RGS7: variants seen among roughly 807,000 people sequenced by gnomAD.
RGS7 encodes the protein regulator of G-protein signaling 7.
A neutral mutation model predicts 81.1 loss-of-function variants in RGS7; 27 were observed. The observed-to-expected ratio is 0.33, with a 90% CI of 0.25 to 0.46. The LOEUF (loss-of-function observed/expected upper bound fraction) is 0.46, where lower values mean the gene tolerates loss of function less well. Among genes scored for constraint, RGS7 ranks in the 20% least tolerant of loss-of-function variants. The pLI, the probability that RGS7 is intolerant of heterozygous loss-of-function variation, is 1.00. For missense variants in RGS7, 396 were observed against 607.4 expected (o/e 0.65, Z 3.66); for synonymous variants, 208 against 207.7 (o/e 1.00, Z -0.01).
intron 2 of RGS7, among the ~76,000 whole-genome samples, chr1:241,137,162 C>T (rs908433575): frequency 3.9e-5 from 6 of 152,062 alleles, no homozygotes; most frequent in Non-Finnish European, 8.8e-5. Context: ...ACTCTGGGAT[C>T]TATGTTGTTC....
chr1:241,151,059 C>T (rs1324141761), intron 2 of RGS7, among the ~76,000 whole-genome samples: 1 of 152,282 alleles, frequency 6.6e-6, no homozygotes, highest in Non-Finnish European at 1.5e-5. Context: ...GGGCCCCTAG[C>T]TGTTTGCACG....
At chr1:240,887,048 G>A (rs951777552) in intron 6 of RGS7, among the ~76,000 whole-genome samples, 15 of 152,208 alleles carry the variant, frequency 9.9e-5, no homozygotes, top group Admixed American at 5.9e-4. Context: ...ACTGAGGTAA[G>A]AATTCTTGGA....
At chr1:241,219,068 C>T (rs1042083978) in intron 2 of RGS7, among the ~76,000 whole-genome samples, 4 of 152,166 alleles carry the variant, frequency 2.6e-5, no homozygotes, top group African/African-American at 7.2e-5. Flanking sequence ...ACAAGGCTCA[C>T]ATCCAGCTGG....
chr1:241,282,132 T>G (rs1454200705), intron 2 of RGS7, among the ~76,000 whole-genome samples: 1 of 152,186 alleles, frequency 6.6e-6, no homozygotes, highest in African/African-American at 2.4e-5. Context: ...TTTTCAGTCC[T>G]TGTCTCTCTC....
chr1:240,923,032 A>T (rs1360830337), intron 6 of RGS7, among the ~76,000 whole-genome samples: 1 of 152,126 alleles, frequency 6.6e-6, no homozygotes, highest in African/African-American at 2.4e-5. Context: ...AAGCAATGAA[A>T]TATCCTGCCA....
rs1222728936 is a variant in RGS7 at position 241,163,733 on chromosome 1, T to A, written c.79-64971A>T. Among the ~76,000 whole-genome samples, 3 of 152,128 alleles carry A rather than the reference T, an allele frequency of 2.0e-5. No homozygotes were observed. Among genetic ancestry groups the A allele is most frequent in the Non-Finnish European group, 4.4e-5 (3 of 68,020 alleles). On this transcript the variant is annotated intron_variant, in intron 2 of 18. Transcript: ENST00000440928. The surrounding 1 kb of genome is among the most constrained non-coding windows in gnomAD (Gnocchi z 4.6). ...TGGTACATAAGCTTCTGAACCCCAC[T>A]GGGGAGTTGGGATAATCACTCTGCA...
intron 9 of RGS7, among the ~76,000 whole-genome samples, chr1:240,867,402 G>A (rs892807013): frequency 2.6e-5 from 4 of 152,004 alleles, no homozygotes; most frequent in African/African-American, 9.7e-5. Context: ...TGCCTTGTCT[G>A]TATTTAAATA....
At chr1:241,228,904 T>C (rs1487807333) in intron 2 of RGS7, among the ~76,000 whole-genome samples, 1 of 152,160 alleles carries the variant, frequency 6.6e-6, no homozygotes, top group Non-Finnish European at 1.5e-5. Context: ...TGTAGTTTAA[T>C]AGGATCGTAC....
At chr1:241,302,927 C>T (rs6688681) in intron 2 of RGS7, among the ~76,000 whole-genome samples, 1 of 151,918 alleles carries the variant, frequency 6.6e-6, no homozygotes, top group African/African-American at 2.4e-5. Context: ...CGTCCGGTAG[C>T]GGTTAAATCA....
chr1:240,795,986 C>T (rs980843023), intron 18 of RGS7, among the ~76,000 whole-genome samples: 1 of 151,962 alleles, frequency 6.6e-6, no homozygotes, highest in African/African-American at 2.4e-5. Flanking sequence ...GGGGTCTTGC[C>T]ATGTTGCCCA....
At chr1:240,841,207 T>C (rs1256518067) in intron 9 of RGS7, among the ~76,000 whole-genome samples, 1 of 152,184 alleles carries the variant, frequency 6.6e-6, no homozygotes, top group Non-Finnish European at 1.5e-5. Context: ...GGTTAAGTAG[T>C]TAAAAAGCAG....
At chr1:240,855,329 G>GAAAAAAAAA (rs140107478) in intron 9 of RGS7, among the ~76,000 whole-genome samples, 1 of 114,834 alleles carries the variant, frequency 8.7e-6, no homozygotes, top group African/African-American at 3.6e-5. Flanking sequence ...AAAAAAAAAG[G>GAAAAAAAAA]AGAAACAAAG....
intron 2 of RGS7, among the ~76,000 whole-genome samples, chr1:241,174,697 AAGTT>A (rs1179025568): frequency 1.3e-5 from 2 of 152,050 alleles, no homozygotes; most frequent in African/African-American, 4.8e-5. Context: ...TATTTGCAAA[AAGTT>A]AGCAAAAAGT....
chr1:241,268,541 T>C (rs1166221592), intron 2 of RGS7, among the ~76,000 whole-genome samples: 3 of 152,198 alleles, frequency 2.0e-5, no homozygotes, highest in Admixed American at 6.5e-5. Flanking sequence ...CTTCCAACTG[T>C]TTCTCCAGTT....
chr1:241,209,242 T>A (rs776390215), intron 2 of RGS7, among the ~76,000 whole-genome samples: 1 of 152,136 alleles, frequency 6.6e-6, no homozygotes, highest in Non-Finnish European at 1.5e-5. Flanking sequence ...GACACACTTA[T>A]CTATGTGTGA....
intron 2 of RGS7, among the ~76,000 whole-genome samples, chr1:241,121,758 C>T (rs1195023039): frequency 3.6e-5 from 4 of 110,408 alleles, no homozygotes; most frequent in Non-Finnish European, 6.8e-5. Flanking sequence ...CACTCTGGTA[C>T]CCAGTCTAGA....
chr1:241,000,854 A>G (rs945039212), intron 3 of RGS7, among the ~76,000 whole-genome samples: 5 of 138,370 alleles, frequency 3.6e-5, no homozygotes, highest in Non-Finnish European at 6.1e-5. Context: ...ACAGTGTTTC[A>G]CCATGTTGGC....
chr1:241,102,505 C>CT (rs1366550547), intron 2 of RGS7, among the ~76,000 whole-genome samples: 5 of 152,214 alleles, frequency 3.3e-5, no homozygotes, highest in African/African-American at 1.2e-4. Context: ...TGATTAATGA[C>CT]TTATCTTCCC....
intron 2 of RGS7, among the ~76,000 whole-genome samples, chr1:241,316,793 C>T (rs964693692): frequency 6.6e-6 from 1 of 152,010 alleles, no homozygotes; most frequent in Non-Finnish European, 1.5e-5. Context: ...TTAGAAGTGT[C>T]CCCTTTTCTT....
Sources: allele counts gnomAD v4.1 joint callset (sites outside exome capture counted in the v4.1 genomes callset), GRCh38; gene constraint gnomAD v4.1.1; non-coding constraint Gnocchi (gnomAD v3.1); transcripts MANE v1.5; gene names NCBI Gene and HGNC (gene_info 2026-07-23, HGNC 2026-07-21).